SLC4A4: variants seen among roughly 807,000 people sequenced by gnomAD.
SLC4A4 encodes the protein solute carrier family 4 member 4, also known as electrogenic sodium bicarbonate cotransporter 1.
In SLC4A4, 27 loss-of-function variants were observed where a neutral mutation model predicts 111.5. The ratio of observed to expected loss-of-function variants is 0.24; its 90% CI spans 0.18 to 0.33. The LOEUF is 0.33. Ranked by LOEUF, SLC4A4 falls within the 10% of genes least tolerant of loss-of-function variation. The pLI is 1.00. For missense variants in SLC4A4, 909 were observed against 1,315.5 expected (o/e 0.69, Z 4.78); for synonymous variants, 443 against 463.4 (o/e 0.96, Z 0.57).
At chr4:71,195,534 G>A (rs548748583) in intron 1 of SLC4A4, among the ~76,000 whole-genome samples, 1 of 151,996 alleles carries the variant, frequency 6.6e-6, no homozygotes, top group South Asian at 2.1e-4. Flanking sequence ...TAAATACAAG[G>A]GGTAGTTATG....
chr4:71,339,239 A>G (rs1225141928), intron 3 of SLC4A4, 131 bp from the exon 4 acceptor site: 6 of 1,614,120 alleles, frequency 3.7e-6, no homozygotes, highest in Non-Finnish European at 5.1e-6. Context: ...TGGGAGGCTT[A>G]GCAGGAAAGA....
At chr4:71,529,048 ATAGT>A (rs1336458992) in intron 16 of SLC4A4, among the ~76,000 whole-genome samples, 3 of 152,080 alleles carry the variant, frequency 2.0e-5, no homozygotes, top group African/African-American at 7.2e-5. Flanking sequence ...GGCATGTGCG[ATAGT>A]TAATGTGGGT....
intron 1 of SLC4A4, among the ~76,000 whole-genome samples, chr4:71,198,862 G>A (rs988890852): frequency 2.0e-4 from 30 of 152,200 alleles, no homozygotes; most frequent in African/African-American, 7.2e-4. Context: ...TTTTTAAAAA[G>A]TTTAAGTTTA....
chr4:71,235,969 C>T (rs556660152), intron 1 of SLC4A4: 115 of 911,404 alleles, frequency 1.3e-4, no homozygotes, highest in Non-Finnish European at 1.5e-4. Flanking sequence ...GTCAGATTTC[C>T]GTAAGGCCAG....
chr4:71,357,144 GA>G lies in SLC4A4; in HGVS notation c.688del (p.Thr230GlnfsTer19). 6.2e-7 allele frequency: 1 copy of G among 1,614,190 alleles called. No individual in the cohort carries two copies. The highest frequency in any genetic ancestry group is 8.5e-7 in the Non-Finnish European group (1 of 1,180,038). ...NLRSLADIGK[T>X]VSSASRMFTN... The stretch of plus-strand genomic sequence containing the variant: ...TTCGGTCCCTGGCTGACATTGGGAA[GA>G]CAGTCTCCAGTGCAAGTAGGATGTT... On this transcript the variant is annotated frameshift_variant, in exon 6 of 26. Coordinates refer to ENST00000264485, the MANE Select transcript of SLC4A4 (RefSeq NM_001098484.3). LOFTEE classifies it high-confidence loss of function.
At chr4:71,102,414 C>G (rs1475561941) in intron 2 of SLC4A4, among the ~76,000 whole-genome samples, 1 of 150,950 alleles carries the variant, frequency 6.6e-6, no homozygotes, top group Non-Finnish European at 1.5e-5. Context: ...TCAGGAAATA[C>G]AGAGAACGCC....
At chr4:71,468,466 T>G (rs920485072) in intron 13 of SLC4A4, among the ~76,000 whole-genome samples, 2 of 151,956 alleles carry the variant, frequency 1.3e-5, no homozygotes, top group African/African-American at 2.4e-5. Flanking sequence ...CGTTCTCCCT[T>G]TTTTTTCTAT....
chr4:71,354,782 G>T (rs918591601), intron 5 of SLC4A4, among the ~76,000 whole-genome samples: 1 of 152,156 alleles, frequency 6.6e-6, no homozygotes, highest in African/African-American at 2.4e-5. Context: ...TTATATGGGA[G>T]TTTTGCCTCT....
intron 7 of SLC4A4, among the ~76,000 whole-genome samples, chr4:71,435,500 C>T (rs1392660515): frequency 2.0e-5 from 3 of 152,032 alleles, no homozygotes; most frequent in Admixed American, 1.3e-4. Flanking sequence ...TAGGCATAGG[C>T]AAAGACTTCA....
intron 2 of SLC4A4, among the ~76,000 whole-genome samples, chr4:71,181,295 A>G (rs1392631387): frequency 6.6e-6 from 1 of 152,044 alleles, no homozygotes; most frequent in Non-Finnish European, 1.5e-5. Flanking sequence ...CAGCACACCA[A>G]CATGGCACAT....
At chr4:71,458,730 A>G (rs374298215) in intron 12 of SLC4A4, among the ~76,000 whole-genome samples, 4 of 152,186 alleles carry the variant, frequency 2.6e-5, no homozygotes, top group Middle Eastern at 6.8e-3. Flanking sequence ...ATGTTCCTTG[A>G]TAAGATAGAC....
rs1310738691 is a variant in SLC4A4, at chr4:71,466,725, G to A, written c.1631+148G>A. ...AGATGTGAGAGGTGAAAGGGCCTTA[G>A]CAATTAGGTAGTCACCACTTGTTTC... On this transcript the variant is annotated intron_variant, in intron 13 of 25. Coordinates refer to ENST00000264485, the MANE Select transcript of SLC4A4 (RefSeq NM_001098484.3). 7.6e-6 allele frequency: 6 copies of A among 786,840 alleles called. No individual in the cohort carries two copies. In the East Asian group the frequency reaches 1.6e-4, roughly 21 times the overall value. 48.7% of individuals were successfully genotyped at this position (786,840 alleles called of 1,614,324 possible). A position where few individuals can be genotyped will look rare whatever the true frequency, so the allele number is the denominator to read the frequency against.
chr4:71,217,524 C>T (rs1293738693), intron 1 of SLC4A4, among the ~76,000 whole-genome samples: 2 of 152,188 alleles, frequency 1.3e-5, no homozygotes, highest in African/African-American at 2.4e-5. Context: ...GATCGTGTCA[C>T]TGCACTCCAG....
At chr4:71,511,878 C>T (rs13129598) in intron 16 of SLC4A4, among the ~76,000 whole-genome samples, 61,971 of 151,990 alleles carry the variant, frequency 0.41, 15,171 homozygotes, top group African/African-American at 0.64. Flanking sequence ...TATGTCTTTC[C>T]GTGCCTGACT....
intron 16 of SLC4A4, among the ~76,000 whole-genome samples, chr4:71,512,568 T>C (rs989128188): frequency 6.6e-6 from 1 of 152,206 alleles, no homozygotes; most frequent in Admixed American, 6.5e-5. Flanking sequence ...TTTGCAAATA[T>C]ATTTTCTCAT....
intron 5 of SLC4A4, 127 bp from the exon 6 acceptor site, chr4:71,356,881 A>G: frequency 1.2e-6 from 1 of 843,392 alleles, no homozygotes; most frequent in Non-Finnish European, 1.8e-6. Flanking sequence ...ATAAAATGGG[A>G]AATTAGAAAT....
intron 6 of SLC4A4, among the ~76,000 whole-genome samples, chr4:71,359,642 C>G (rs962307477): frequency 6.6e-6 from 1 of 152,058 alleles, no homozygotes; most frequent in African/African-American, 2.4e-5. Context: ...TCTAAACAAA[C>G]GTTCTTAGAA....
At chr4:71,285,249 A>G (rs1480167854) in intron 3 of SLC4A4, among the ~76,000 whole-genome samples, 3 of 152,226 alleles carry the variant, frequency 2.0e-5, no homozygotes, top group African/African-American at 4.8e-5. Context: ...ATTTAGTCAA[A>G]AAAGGAAATA....
chr4:71,552,302 T>C (rs1156470631), intron 20 of SLC4A4, among the ~76,000 whole-genome samples: 1 of 151,826 alleles, frequency 6.6e-6, no homozygotes, highest in Non-Finnish European at 1.5e-5. Context: ...CTGACTTTTG[T>C]GCCCATGCTC....
Sources: allele counts gnomAD v4.1 joint callset (sites outside exome capture counted in the v4.1 genomes callset), GRCh38; gene constraint gnomAD v4.1.1; transcripts MANE v1.5; gene names NCBI Gene and HGNC (gene_info 2026-07-23, HGNC 2026-07-21).